Variants in GABRG2 observed in about 807,000 individuals in gnomAD.
The protein encoded by GABRG2 is gamma-aminobutyric acid type A receptor subunit gamma2, also known as gamma-aminobutyric acid receptor subunit gamma-2.
GABRG2 carries 16 observed loss-of-function variants against 56.4 expected under a neutral mutation model. The observed-to-expected ratio is 0.28, with a 90% confidence interval of 0.19 to 0.43. GABRG2 has a LOEUF of 0.43. GABRG2 is among the 20% of genes least tolerant of loss of function. GABRG2 has a pLI of 1.00. For missense variants in GABRG2, 327 were observed against 582.7 expected (o/e 0.56, Z 4.52); for synonymous variants, 208 against 205.5 (o/e 1.01, Z -0.10).
At chr5:162,095,688 A>G (rs1241378051) in intron 3 of GABRG2, 126 bp downstream of exon 3, 12 of 684,728 alleles carry the variant, frequency 1.8e-5, no homozygotes, top group Non-Finnish European at 3.2e-5. Flanking sequence ...AGTGAAAGAT[A>G]GTCTTCCAGA....
At chr5:162,108,022 A>G (rs1761960725) in intron 6 of GABRG2, among the ~76,000 whole-genome samples, 1 of 152,206 alleles carries the variant, frequency 6.6e-6, no homozygotes, top group African/African-American at 2.4e-5. Context: ...CACTAACTAC[A>G]TGCACCATAG....
At chr5:162,151,884 A>G (rs1581460099) in intron 9 of GABRG2, 131 bp downstream of exon 9, 1 of 802,522 alleles carries the variant, frequency 1.2e-6, no homozygotes, top group East Asian at 2.5e-5. Context: ...TGTTGGAGAA[A>G]GTTCTACAGA....
In GABRG2 at chr5:162,141,967, A is replaced by G. The variant is rs547822110; in HGVS notation, c.770-197A>G. ...TTCCATCTAGTAGACAAATTGCTCT[A>G]AAAGAGTTGGGATTCAGTTCAGGTT... On this transcript the variant is annotated intron_variant, in intron 6 of 9. Transcript: ENST00000639213. 7.2e-5 allele frequency among the ~76,000 whole-genome samples: 11 copies of G among 152,312 alleles called. No homozygotes were observed. The Middle Eastern group carries it at 0.01, about 141-fold the overall frequency.
chr5:162,151,838 A>C (rs1765395746), intron 9 of GABRG2, 85 bp downstream of exon 9: 1 of 1,204,222 alleles, frequency 8.3e-7, no homozygotes, highest in Admixed American at 1.8e-5. Context: ...ATTTTGTTTT[A>C]TGAGTAGACA....
At chr5:162,146,960 A>G (rs530764482) in intron 7 of GABRG2, among the ~76,000 whole-genome samples, 46 of 152,348 alleles carry the variant, frequency 3.0e-4, no homozygotes, top group South Asian at 1.0e-3. Context: ...GAACTCTTCA[A>G]AAATGGCTCA....
At chr5:162,086,934 T>C (rs1342938153) in intron 1 of GABRG2, among the ~76,000 whole-genome samples, 2 of 152,074 alleles carry the variant, frequency 1.3e-5, no homozygotes, top group African/African-American at 4.8e-5. Flanking sequence ...GACGTGTGAA[T>C]GCATTTTCTT....
intron 1 of GABRG2, 104 bp from the exon 2 acceptor site, chr5:162,093,724 T>C: frequency 9.0e-7 from 1 of 1,112,312 alleles, no homozygotes; most frequent in Non-Finnish European, 1.4e-6. Context: ...AGTTTAAACA[T>C]TTCTTTTATC....
chr5:162,124,528 C>T (rs1278071476), intron 6 of GABRG2, among the ~76,000 whole-genome samples: 1 of 151,492 alleles, frequency 6.6e-6, no homozygotes, highest in Non-Finnish European at 1.5e-5. Flanking sequence ...CGGCAATGCA[C>T]ATTCAGTTTT....
intron 1 of GABRG2, among the ~76,000 whole-genome samples, chr5:162,085,284 T>G (rs1759981601): frequency 6.6e-6 from 1 of 151,966 alleles, no homozygotes; most frequent in African/African-American, 2.4e-5. Flanking sequence ...ATCATAGCTT[T>G]TATTCTGTAG....
intron 1 of GABRG2, among the ~76,000 whole-genome samples, chr5:162,076,856 T>C (rs1759159037): frequency 6.6e-6 from 1 of 152,130 alleles, no homozygotes; most frequent in South Asian, 2.1e-4. Context: ...TATAACAAAA[T>C]TCAACATCAT....
intron 6 of GABRG2, among the ~76,000 whole-genome samples, chr5:162,108,093 C>T (rs2113397633): frequency 6.6e-6 from 1 of 152,290 alleles, no homozygotes; most frequent in East Asian, 1.9e-4. Context: ...ACTATTAACA[C>T]AGATGGTATC....
chr5:162,147,569 T>C (rs1200315722), intron 7 of GABRG2, among the ~76,000 whole-genome samples: 1 of 152,082 alleles, frequency 6.6e-6, no homozygotes, highest in Non-Finnish European at 1.5e-5. Flanking sequence ...TTTCACTATG[T>C]TGGTCAGGCT....
intron 7 of GABRG2, chr5:162,142,545 T>C (rs980577768): frequency 1.3e-5 from 6 of 454,838 alleles, no homozygotes; most frequent in Non-Finnish European, 2.5e-5. Flanking sequence ...GTGGCACATA[T>C]ACACCATGGA....
chr5:162,071,797 T>A (rs1758693366), intron 1 of GABRG2, among the ~76,000 whole-genome samples: 1 of 151,916 alleles, frequency 6.6e-6, no homozygotes, highest in Non-Finnish European at 1.5e-5. Flanking sequence ...GCGTACTAAA[T>A]TGCTTTAGTT....
At chr5:162,139,694 C>A (rs542768381) in intron 6 of GABRG2, among the ~76,000 whole-genome samples, 1 of 152,240 alleles carries the variant, frequency 6.6e-6, no homozygotes, top group Non-Finnish European at 1.5e-5. Context: ...GATCTTCATT[C>A]ACTTACATGA....
At chr5:162,137,334 A>C (rs955802195) in intron 6 of GABRG2, among the ~76,000 whole-genome samples, 1 of 152,188 alleles carries the variant, frequency 6.6e-6, no homozygotes, top group African/African-American at 2.4e-5. Flanking sequence ...ATCTTCCTAA[A>C]AGTTCACATC....
At chr5:162,081,418 C>T (rs1279007485) in intron 1 of GABRG2, among the ~76,000 whole-genome samples, 1 of 151,852 alleles carries the variant, frequency 6.6e-6, no homozygotes, top group Non-Finnish European at 1.5e-5. Flanking sequence ...TCTTGAGTAC[C>T]ATAAGCACAG....
At chr5:162,104,599 TA>T (rs1380771084) in intron 6 of GABRG2, among the ~76,000 whole-genome samples, 1 of 151,826 alleles carries the variant, frequency 6.6e-6, no homozygotes, top group African/African-American at 2.4e-5. Flanking sequence ...TAATGTGCAT[TA>T]AAAAAAATTG....
At chr5:162,079,874 G>A (rs866855002) in intron 1 of GABRG2, among the ~76,000 whole-genome samples, 10 of 152,200 alleles carry the variant, frequency 6.6e-5, no homozygotes, top group Admixed American at 1.3e-4. Context: ...CTGTCTCCTG[G>A]GTTCAAGCAA....
Sources: allele counts gnomAD v4.1 joint callset (sites outside exome capture counted in the v4.1 genomes callset), GRCh38; gene constraint gnomAD v4.1.1; transcripts MANE v1.5; gene names NCBI Gene and HGNC (gene_info 2026-07-23, HGNC 2026-07-21).